The following NRG1 variants were observed in gnomAD, a reference collection of about 807,000 sequenced individuals.
NRG1 encodes neuregulin 1.
A neutral mutation model predicts 63.8 loss-of-function variants in NRG1; 18 were observed. The ratio of observed to expected loss-of-function variants is 0.28; its 90% CI spans 0.19 to 0.42. NRG1 has a LOEUF of 0.42. Ranked by LOEUF, NRG1 falls within the 10% of genes least tolerant of loss-of-function variation. The pLI, the probability that NRG1 is intolerant of heterozygous loss-of-function variation, is 1.00. For missense variants in NRG1, 762 were observed against 814.7 expected, an observed-to-expected ratio of 0.94 and a Z score of 0.79; for synonymous variants, 302 against 301.3, an observed-to-expected ratio of 1.00 and a Z score of -0.02.
intron 1 of NRG1, among the ~76,000 whole-genome samples, chr8:31,854,178 G>A (rs1259044179): frequency 6.6e-6 from 1 of 151,762 alleles, no homozygotes. Context: ...AATAGTTTCA[G>A]AAGGAATGGT....
chr8:31,926,781 T>C (rs1423702540), intron 1 of NRG1, among the ~76,000 whole-genome samples: 1 of 152,034 alleles, frequency 6.6e-6, no homozygotes, highest in African/African-American at 2.4e-5. Flanking sequence ...CTGGGGAAAA[T>C]GGCCAAGAAG....
intron 1 of NRG1, among the ~76,000 whole-genome samples, chr8:31,683,839 C>T (rs1808594038): frequency 6.6e-6 from 1 of 152,052 alleles, no homozygotes; most frequent in African/African-American, 2.4e-5. Context: ...TTCTATGTTG[C>T]TGTGAACCTG....
In NRG1 at chr8:32,420,743, T is replaced by A. The variant is rs1473876480; in HGVS notation, c.38-175085T>A. 2.0e-5 allele frequency among the ~76,000 whole-genome samples: 3 copies of A among 152,198 alleles called. No individual in the cohort carries two copies. In the East Asian group the frequency reaches 5.8e-4, roughly 29 times the overall value. ...GGCTTTATGATACTTGCCATTATACTATCAGATACTTTTTCCCACTGATAT... is the reference window on the plus strand; with the variant it reads ...GGCTTTATGATACTTGCCATTATACAATCAGATACTTTTTCCCACTGATAT... On this transcript the variant is annotated intron_variant, in intron 1 of 10. Coordinates refer to the NRG1 transcript ENST00000519301.
chr8:31,857,540 A>C (rs537501854), intron 1 of NRG1, among the ~76,000 whole-genome samples: 2 of 152,250 alleles, frequency 1.3e-5, no homozygotes, highest in Admixed American at 1.3e-4. Context: ...TGAACCCGGT[A>C]CCTCAGATGG....
At chr8:31,763,548 C>G (rs1403347080) in intron 1 of NRG1, among the ~76,000 whole-genome samples, 2 of 152,156 alleles carry the variant, frequency 1.3e-5, no homozygotes, top group Non-Finnish European at 2.9e-5. Context: ...AATGTTGTAT[C>G]ATGAAACCAA....
intron 1 of NRG1, among the ~76,000 whole-genome samples, chr8:32,052,969 T>G (rs1822237764): frequency 6.6e-6 from 1 of 152,176 alleles, no homozygotes; most frequent in Non-Finnish European, 1.5e-5. Flanking sequence ...AGCTATACTG[T>G]GTCTCCTACC....
chr8:31,772,407 A>C (rs28478839), intron 1 of NRG1, among the ~76,000 whole-genome samples: 2,272 of 152,322 alleles, frequency 0.015, 65 homozygotes, highest in African/African-American at 0.052. Flanking sequence ...TACTGAAGGG[A>C]CATGCCTTTG....
intron 1 of NRG1, among the ~76,000 whole-genome samples, chr8:31,675,225 C>T (rs34172078): frequency 0.11 from 16,903 of 152,142 alleles, 1,278 homozygotes; most frequent in Admixed American, 0.2. Flanking sequence ...ACGTGTAATC[C>T]CAGCTACTCG....
At chr8:32,106,615 G>A (rs1317560815) in intron 1 of NRG1, among the ~76,000 whole-genome samples, 1 of 152,136 alleles carries the variant, frequency 6.6e-6, no homozygotes, top group Admixed American at 6.5e-5. Flanking sequence ...GAGAGTTGAT[G>A]TTACAGAGAT....
chr8:31,783,575 G>T (rs182951161), intron 1 of NRG1, among the ~76,000 whole-genome samples: 1 of 148,234 alleles, frequency 6.7e-6, no homozygotes, highest in East Asian at 2.0e-4. Flanking sequence ...CCTCAAAGGG[G>T]CCTTGGTGTA....
chr8:32,669,105 C>T (rs1034134074), intron 5 of NRG1, among the ~76,000 whole-genome samples: 4 of 152,192 alleles, frequency 2.6e-5, no homozygotes, highest in Admixed American at 2.6e-4. Context: ...CTTAAAACAT[C>T]TCTGCCATTA....
At chr8:31,838,332 T>C (rs1004384180) in intron 1 of NRG1, among the ~76,000 whole-genome samples, 1 of 152,126 alleles carries the variant, frequency 6.6e-6, no homozygotes, top group Non-Finnish European at 1.5e-5. Flanking sequence ...ACCACCTGTT[T>C]TAATTATTTT....
chr8:31,905,858 T>G (rs912229146), intron 1 of NRG1, among the ~76,000 whole-genome samples: 1 of 152,336 alleles, frequency 6.6e-6, no homozygotes, highest in East Asian at 1.9e-4. Flanking sequence ...TTTAAAAAAT[T>G]GATGGTTATT....
At chr8:32,752,730 C>G (rs1355181749) in intron 7 of NRG1, among the ~76,000 whole-genome samples, 1 of 151,980 alleles carries the variant, frequency 6.6e-6, no homozygotes, top group Non-Finnish European at 1.5e-5. Context: ...TCTGTCTGTC[C>G]TCTTGGTTTG....
intron 1 of NRG1, among the ~76,000 whole-genome samples, chr8:32,353,134 A>T (rs1320700966): frequency 6.6e-6 from 1 of 150,612 alleles, no homozygotes; most frequent in Non-Finnish European, 1.5e-5. Flanking sequence ...ATAATAAGAA[A>T]TTGCACTGGT....
chr8:31,783,824 G>A (rs1238922604), intron 1 of NRG1, among the ~76,000 whole-genome samples: 1 of 152,120 alleles, frequency 6.6e-6, no homozygotes, highest in African/African-American at 2.4e-5. Context: ...GCATGGTATG[G>A]TATCACGATC....
intron 1 of NRG1, among the ~76,000 whole-genome samples, chr8:31,792,101 C>CTTAGTG (rs1820773255): frequency 1.3e-5 from 2 of 152,134 alleles, no homozygotes; most frequent in African/African-American, 4.8e-5. Flanking sequence ...AGTTACATGA[C>CTTAGTG]CTTTTTCATT....
At chr8:32,061,013 G>C (rs186667763) in intron 1 of NRG1, among the ~76,000 whole-genome samples, 2 of 151,728 alleles carry the variant, frequency 1.3e-5, no homozygotes, top group African/African-American at 4.8e-5. Flanking sequence ...CCCTTTCTTG[G>C]TTATTATGTA....
chr8:32,127,133 A>G (rs953114334), intron 1 of NRG1, among the ~76,000 whole-genome samples: 1 of 151,942 alleles, frequency 6.6e-6, no homozygotes, highest in African/African-American at 2.4e-5. Flanking sequence ...TATAAGCTCT[A>G]TTTATGTTTC....
Sources: allele counts gnomAD v4.1 joint callset (sites outside exome capture counted in the v4.1 genomes callset), GRCh38; gene constraint gnomAD v4.1.1; transcripts MANE v1.5; gene names NCBI Gene and HGNC (gene_info 2026-07-23, HGNC 2026-07-21).